The following MAP3K13 variants were observed in gnomAD, a reference collection of about 807,000 sequenced individuals.
MAP3K13 encodes the protein mitogen-activated protein kinase kinase kinase 13.
MAP3K13 carries 52 observed loss-of-function variants against 104.0 expected under a neutral mutation model. The ratio of observed to expected loss-of-function variants is 0.50; its 90% CI spans 0.40 to 0.63. MAP3K13 has a LOEUF of 0.63. MAP3K13 is among the 20% of genes least tolerant of loss of function. MAP3K13 has a pLI of 0.00. For synonymous variants in MAP3K13, 394 were observed against 442.2 expected (o/e 0.89, Z 1.37); for missense variants, 914 against 1,218.5 (o/e 0.75, Z 3.72).
Position 185,486,476 on chromosome 3 carries a change from C to T in MAP3K13, c.*4020C>T, listed in dbSNP as rs1031494160. ...CCTTCGCTGCCTGCCTTGTGATAAC[C>T]GGGAAAATCTTGAATTGATGTATGT... On this transcript the variant is annotated 3_prime_UTR_variant, in exon 14 of 14. Coordinates refer to ENST00000265026, the MANE Select transcript of MAP3K13 (RefSeq NM_004721.5). 13 of 152,176 alleles carry T rather than the reference C, an allele frequency of 8.5e-5. No individual in the cohort carries two copies. The highest frequency in any genetic ancestry group is 2.9e-4 in the African/African-American group (12 of 41,430). 9.4% of individuals were successfully genotyped at this position (152,176 alleles called of 1,614,324 possible). A position where few individuals can be genotyped will look rare whatever the true frequency, so the allele number is the denominator to read the frequency against.
At position 185,482,317 on chromosome 3, in the gene MAP3K13, T is replaced by G; in HGVS notation, c.2800-38T>G. On this transcript the variant is annotated intron_variant, in intron 13 of 13. Transcript: ENST00000265026. This position sits in a 1 kb window ranked among gnomAD's most constrained non-coding sequence, Gnocchi z 4.5. The stretch of plus-strand genomic sequence containing the variant: ...TGTTTGACATATATTTACTGAGTGA[T>G]TATCGAAATGAATTAAGGTTTTGTC... 1 of 1,409,712 alleles carries G rather than the reference T, an allele frequency of 7.1e-7. No individual in the cohort carries two copies. 87.3% of individuals were successfully genotyped at this position (1,409,712 alleles called of 1,614,324 possible).
rs1177608316 is a variant in MAP3K13, at chr3:185,484,821, CAGA to C, written c.*2368_*2370del. The C allele has an allele frequency of 2.6e-5, 4 of 152,144 alleles. No homozygotes were observed. The highest frequency in any genetic ancestry group is 4.4e-5 in the Non-Finnish European group (3 of 68,012). 9.4% of individuals were successfully genotyped at this position (152,144 alleles called of 1,614,324 possible). ...ATTATCATTCTCATTTTCTGTCGATCAGAAGGTGTGATTTATGATGTGGCACAA... is the reference window on the plus strand; with the variant it reads ...ATTATCATTCTCATTTTCTGTCGATCAGGTGTGATTTATGATGTGGCACAA... On this transcript the variant is annotated 3_prime_UTR_variant, in exon 14 of 14. Transcript: ENST00000265026.
In MAP3K13 at chr3:185,485,941, A is replaced by G. The variant is rs535460025; in HGVS notation, c.*3485A>G. The G allele has an allele frequency of 6.6e-6, 1 of 152,310 alleles. No individual in the cohort carries two copies. The highest frequency in any genetic ancestry group is 2.4e-5 in the African/African-American group (1 of 41,570). The allele number at this position is 152,310 out of a possible 1,614,324, so 9.4% of individuals were successfully genotyped here. ...TTAGAGGACCAACGACTGGAAAAAA[A>G]TTCTTGAAAGGCTATATTTTCCATC... On this transcript the variant is annotated 3_prime_UTR_variant, in exon 14 of 14. Coordinates refer to ENST00000265026, the MANE Select transcript of MAP3K13 (RefSeq NM_004721.5).
intron 1 of MAP3K13, among the ~76,000 whole-genome samples, chr3:185,401,938 T>C (rs140414164): frequency 1.3e-5 from 2 of 152,178 alleles, no homozygotes; most frequent in East Asian, 1.9e-4. Context: ...CATCCCAGGG[T>C]CCTACCAGAA....
chr3:185,406,986 C>G (rs1170736561), intron 1 of MAP3K13, among the ~76,000 whole-genome samples: 1 of 152,002 alleles, frequency 6.6e-6, no homozygotes, highest in Non-Finnish European at 1.5e-5. Flanking sequence ...ATTCTCACAA[C>G]ATTTTTATCC....
upstream of MAP3K13, among the ~76,000 whole-genome samples, chr3:185,359,405 T>C (rs1259293200): frequency 1.3e-5 from 2 of 152,160 alleles, no homozygotes; most frequent in Admixed American, 1.3e-4. Context: ...AGCCAAACCA[T>C]ATCAGATCTG....
At chr3:185,455,257 G>GATATATATATGAT (rs1297923091) in intron 7 of MAP3K13, among the ~76,000 whole-genome samples, 21 of 18,512 alleles carry the variant, frequency 1.1e-3, no homozygotes, top group South Asian at 4.0e-3. Flanking sequence ...ATATATATGA[G>GATATATATATGAT]ATATATGAGA....
intron 1 of MAP3K13, among the ~76,000 whole-genome samples, chr3:185,407,869 A>ATTTTTTTTTTTTTTTTTTTTTTTTTTTT (rs35693572): frequency 1.4e-5 from 1 of 69,096 alleles, no homozygotes. Flanking sequence ...AATTTTGAGA[A>ATTTTTTTTTTTTTTTTTTTTTTTTTTTT]TTTTTTTTTT....
intron 2 of MAP3K13, among the ~76,000 whole-genome samples, chr3:185,307,266 CCT>C (rs1346631872): frequency 6.0e-5 from 9 of 151,104 alleles, no homozygotes; most frequent in Non-Finnish European, 1.2e-4. Flanking sequence ...TTTCAAGTAA[CCT>C]CTCTGTCCTT....
At chr3:185,348,969 A>G (rs915873184) in intron 2 of MAP3K13, among the ~76,000 whole-genome samples, 4 of 152,088 alleles carry the variant, frequency 2.6e-5, no homozygotes, top group Non-Finnish European at 5.9e-5. Flanking sequence ...CCTAGTGGTT[A>G]TGGGTTTTGA....
intron 2 of MAP3K13, among the ~76,000 whole-genome samples, chr3:185,324,758 T>C (rs1445282168): frequency 2.0e-5 from 3 of 151,890 alleles, no homozygotes; most frequent in South Asian, 4.2e-4. Flanking sequence ...AATTAACTTA[T>C]AGTTTGTAAA....
At chr3:185,318,675 C>T (rs1362029520) in intron 2 of MAP3K13, among the ~76,000 whole-genome samples, 1 of 152,144 alleles carries the variant, frequency 6.6e-6, no homozygotes, top group African/African-American at 2.4e-5. Flanking sequence ...GTGAAAGTTT[C>T]TATATAATTT....
Position 185,418,391 on chromosome 3 carries a change from C to T in MAP3K13, c.-85-10106C>T. The T allele has an allele frequency of 6.2e-7, 1 of 1,605,446 alleles. No individual in the cohort carries two copies. The highest frequency in any genetic ancestry group is 8.5e-7 in the Non-Finnish European group (1 of 1,173,858). On this transcript the variant is annotated intron_variant, in intron 1 of 13. Transcript: ENST00000265026. The surrounding 1 kb of genome is among the most constrained non-coding windows in gnomAD (Gnocchi z 4.5). The stretch of plus-strand genomic sequence containing the variant: ...ATGACCAGTGCTGGTAGGGCTGAGG[C>T]AGCCAGGGCAGAACAGATGGCATAT...
intron 7 of MAP3K13, among the ~76,000 whole-genome samples, chr3:185,455,995 G>GATATATATGAGATATAT (rs1332910480): frequency 1.4e-5 from 2 of 146,556 alleles, no homozygotes; most frequent in Non-Finnish European, 3.0e-5. Context: ...ATATATATGA[G>GATATATATGAGATATAT]ATATATATGA....
upstream of MAP3K13, among the ~76,000 whole-genome samples, chr3:185,360,705 T>C (rs1723568099): frequency 6.6e-6 from 1 of 152,114 alleles, no homozygotes; most frequent in Admixed American, 6.6e-5. Flanking sequence ...ATTAGAAGCA[T>C]TTATAGACCC....
rs1715874375 is a variant in MAP3K13 at position 185,451,412 on chromosome 3, C to T, written c.1278+17C>T. 1 of 1,543,370 alleles carries T rather than the reference C, an allele frequency of 6.5e-7. No homozygotes were observed. The highest frequency in any genetic ancestry group is 9.0e-7 in the Non-Finnish European group (1 of 1,115,494). On this transcript the variant is annotated intron_variant, in intron 7 of 13. Coordinates refer to ENST00000265026, the MANE Select transcript of MAP3K13 (RefSeq NM_004721.5). ...AAGTCTCAGGTAAGTTGGGAAACTT[C>T]CTACCAGGTGCTACTAAACAGATAG...
intron 11 of MAP3K13, chr3:185,476,691 T>C (rs1718151176): frequency 6.5e-6 from 1 of 152,792 alleles, no homozygotes; most frequent in Non-Finnish European, 1.5e-5. Flanking sequence ...AGCTCCCTTA[T>C]TGCTGCCAAC....
chr3:185,464,058 C>T (rs1420791926), intron 8 of MAP3K13, among the ~76,000 whole-genome samples: 7 of 152,100 alleles, frequency 4.6e-5, no homozygotes, highest in African/African-American at 1.2e-4. Context: ...CCAAGGCAGG[C>T]GGGTCACTTG....
intron 2 of MAP3K13, among the ~76,000 whole-genome samples, chr3:185,346,826 T>C (rs1207993203): frequency 2.6e-5 from 4 of 152,122 alleles, no homozygotes; most frequent in African/African-American, 9.7e-5. Context: ...TGCAAGATTT[T>C]TTCTGTGAAT....
Sources: allele counts gnomAD v4.1 joint callset (sites outside exome capture counted in the v4.1 genomes callset), GRCh38; gene constraint gnomAD v4.1.1; non-coding constraint Gnocchi (gnomAD v3.1); transcripts MANE v1.5; gene names NCBI Gene and HGNC (gene_info 2026-07-23, HGNC 2026-07-21).